Variants in IL1RAPL1 observed in about 807,000 individuals in gnomAD.
IL1RAPL1 encodes interleukin-1 receptor accessory protein-like 1.
In IL1RAPL1, 3 loss-of-function variants were observed where a neutral mutation model predicts 48.4. The observed-to-expected ratio is 0.06, with a 90% CI of 0.03 to 0.16. IL1RAPL1 has a LOEUF of 0.16. Among genes scored for constraint, IL1RAPL1 ranks in the 10% least tolerant of loss-of-function variants. The pLI is 1.00. For synonymous variants in IL1RAPL1, 185 were observed against 187.7 expected, an observed-to-expected ratio of 0.99 and a Z score of 0.12; for missense variants, 349 against 530.6, an observed-to-expected ratio of 0.66 and a Z score of 3.36.
At chrX:29,429,665 T>A (rs757601148) in intron 5 of IL1RAPL1, among the ~76,000 whole-genome samples, 2 of 110,960 alleles carry the variant, frequency 1.8e-5, no homozygotes, top group African/African-American at 6.6e-5. Context: ...TCTTCCTCAG[T>A]AATCAGTGAG....
intron 5 of IL1RAPL1, among the ~76,000 whole-genome samples, chrX:29,620,284 A>G (rs1453023183): frequency 8.9e-6 from 1 of 111,849 alleles, no homozygotes; most frequent in Non-Finnish European, 1.9e-5. Context: ...TCGTTCAGCA[A>G]TTTCATTCTT....
intron 2 of IL1RAPL1, among the ~76,000 whole-genome samples, chrX:29,138,790 AAAAG>A (rs1340521237): frequency 1.8e-5 from 2 of 108,837 alleles, no homozygotes; most frequent in South Asian, 3.9e-4. Flanking sequence ...AAAAAAAAAA[AAAAG>A]AAAGAAAACA....
intron 6 of IL1RAPL1, among the ~76,000 whole-genome samples, chrX:29,864,693 G>A (rs1262309583): frequency 8.9e-6 from 1 of 111,750 alleles, no homozygotes; most frequent in Non-Finnish European, 1.9e-5. Context: ...GCTCCTGATA[G>A]CCTAATTAGC....
intron 2 of IL1RAPL1, among the ~76,000 whole-genome samples, chrX:29,094,473 A>G (rs943942245): frequency 3.7e-5 from 4 of 108,149 alleles, no homozygotes; most frequent in South Asian, 8.0e-4. Flanking sequence ...AGAAACATCT[A>G]TTGGCTGGGC....
chrX:28,759,078 A>G (rs111532725), intron 1 of IL1RAPL1, among the ~76,000 whole-genome samples: 1 of 110,884 alleles, frequency 9.0e-6, no homozygotes, highest in South Asian at 3.8e-4. Context: ...TTCTACTAAA[A>G]ATACCAAAAA....
At chrX:28,646,534 TA>T (rs1020452210) in intron 1 of IL1RAPL1, among the ~76,000 whole-genome samples, 1 of 112,363 alleles carries the variant, frequency 8.9e-6, no homozygotes, top group Non-Finnish European at 1.9e-5. Context: ...TTATCTTTTC[TA>T]AAAAAAATTC....
chrX:29,934,509 C>T (rs111288665), intron 8 of IL1RAPL1, among the ~76,000 whole-genome samples: 3,926 of 111,953 alleles, frequency 0.035, 177 homozygotes, highest in African/African-American at 0.12. Context: ...TACAATTTGA[C>T]CTTTTATTTT....
intron 6 of IL1RAPL1, among the ~76,000 whole-genome samples, chrX:29,845,114 C>T (rs761258161): frequency 8.9e-6 from 1 of 112,404 alleles, no homozygotes; most frequent in South Asian, 3.7e-4. Context: ...TGACAGAATA[C>T]ATTTCTGTTG....
At chrX:28,588,282 G>T (rs2146872207) in intron 1 of IL1RAPL1, among the ~76,000 whole-genome samples, 1 of 109,052 alleles carries the variant, frequency 9.2e-6, no homozygotes, top group African/African-American at 3.3e-5. Flanking sequence ...ATGTATGTGT[G>T]CCCGTATTCT....
chrX:29,613,954 A>G lies in IL1RAPL1; in HGVS notation c.704-54476A>G, dbSNP rs6628461. On this transcript the variant is annotated intron_variant, in intron 5 of 10. Coordinates refer to ENST00000378993, the MANE Select transcript of IL1RAPL1 (RefSeq NM_014271.4). The stretch of plus-strand genomic sequence containing the variant: ...AATTTTTTGTATTTTTAGTAGAGAC[A>G]GGGTTTCACCATGTTAGCCAGGATG... Among the ~76,000 whole-genome samples the G allele has an allele frequency of 7.4e-3, 804 of 108,162 alleles. 6 individuals carry two copies. Among genetic ancestry groups the G allele is most frequent in the East Asian group, 0.065 (222 of 3,396 alleles). 93.9% of individuals were successfully genotyped at this position (108,162 alleles called of 115,157 possible).
At chrX:29,899,763 C>T (rs773241072) in intron 6 of IL1RAPL1, among the ~76,000 whole-genome samples, 4 of 110,064 alleles carry the variant, frequency 3.6e-5, no homozygotes, top group African/African-American at 6.6e-5. Flanking sequence ...AGGTTGGTCT[C>T]GAACTCCTGA....
At chrX:29,525,227 A>G (rs775089941) in intron 5 of IL1RAPL1, among the ~76,000 whole-genome samples, 1 of 112,092 alleles carries the variant, frequency 8.9e-6, no homozygotes, top group South Asian at 3.7e-4. Flanking sequence ...GCCAAAAGTG[A>G]TATAGCCCAA....
At chrX:28,961,522 C>A (rs1924777480) in intron 2 of IL1RAPL1, among the ~76,000 whole-genome samples, 1 of 110,882 alleles carries the variant, frequency 9.0e-6, no homozygotes, top group African/African-American at 3.3e-5. Context: ...CTGACAGGCC[C>A]CGGTGTGTGA....
intron 6 of IL1RAPL1, among the ~76,000 whole-genome samples, chrX:29,904,438 T>C (rs1436924859): frequency 9.0e-6 from 1 of 111,152 alleles, no homozygotes; most frequent in African/African-American, 3.3e-5. Flanking sequence ...ACATGTGCCA[T>C]GGTGGTTTGC....
At chrX:29,945,651 C>T (rs766610068) in intron 9 of IL1RAPL1, among the ~76,000 whole-genome samples, 179 of 111,695 alleles carry the variant, frequency 1.6e-3, no homozygotes, top group Non-Finnish European at 2.4e-3. Flanking sequence ...ATTTAAGCTC[C>T]GGTCTAAATG....
chrX:29,766,634 C>T (rs1434199006), intron 6 of IL1RAPL1, among the ~76,000 whole-genome samples: 10 of 93,308 alleles, frequency 1.1e-4, no homozygotes, highest in African/African-American at 3.8e-4. Context: ...CTCCCTCCAT[C>T]CCCTTTCTCA....
intron 2 of IL1RAPL1, among the ~76,000 whole-genome samples, chrX:29,205,734 T>A (rs953059869): frequency 9.2e-6 from 1 of 109,268 alleles, no homozygotes; most frequent in African/African-American, 3.3e-5. Context: ...TTATTTTTTT[T>A]ATTATTATTA....
chrX:29,011,354 A>AT (rs1457478418), intron 2 of IL1RAPL1, among the ~76,000 whole-genome samples: 3 of 112,583 alleles, frequency 2.7e-5, no homozygotes, highest in Admixed American at 9.4e-5. Flanking sequence ...TTCTTAATAG[A>AT]TAAAAACTAG....
intron 6 of IL1RAPL1, among the ~76,000 whole-genome samples, chrX:29,708,137 A>G (rs1231174106): frequency 9.0e-6 from 1 of 110,694 alleles, no homozygotes; most frequent in African/African-American, 3.3e-5. Context: ...ACAAATAATA[A>G]TTGTGTATAT....
Sources: gnomAD v4.1 joint callset for allele counts (sites outside exome capture counted in the v4.1 genomes callset) on GRCh38, gnomAD v4.1.1 for gene constraint, MANE v1.5 for transcripts, NCBI Gene and HGNC (gene_info 2026-07-23, HGNC 2026-07-21) for gene names.